GLB1: variants seen among roughly 807,000 people sequenced by gnomAD.
GLB1 encodes the protein beta-galactosidase.
In GLB1, 56 loss-of-function variants were observed where a neutral mutation model predicts 74.0. The observed-to-expected ratio is 0.76, with a 90% CI of 0.61 to 0.94. The LOEUF (loss-of-function observed/expected upper bound fraction) is 0.94. Among genes scored for constraint, GLB1 ranks in the 40% least tolerant of loss-of-function variants. The pLI, the probability that GLB1 is intolerant of heterozygous loss-of-function variation, is 0.00. For synonymous variants in GLB1, 323 were observed against 323.6 expected (o/e 1.00, Z 0.02); for missense variants, 787 against 845.5 (o/e 0.93, Z 0.86).
chr3:33,021,800 G>C, intron 11 of GLB1, 145 bp from the exon 12 acceptor site: 1 of 895,102 alleles, frequency 1.1e-6, no homozygotes, highest in Non-Finnish European at 1.8e-6. Context: ...ACTCAGTATT[G>C]CTTCCCAGTC....
At chr3:32,964,437 C>G in the GLB1 span, among the ~76,000 whole-genome samples, 1 of 152,170 alleles carries the variant, frequency 6.6e-6, no homozygotes, top group Non-Finnish European at 1.5e-5. Context: ...TATTTCTAAT[C>G]TGAGTCCTTA....
intron 15 of GLB1, among the ~76,000 whole-genome samples, chr3:33,006,672 T>C (rs745617201): frequency 6.6e-6 from 1 of 152,350 alleles, no homozygotes; most frequent in Admixed American, 6.5e-5. Context: ...TTCATTCACA[T>C]CTGGCATTAA....
chr3:33,055,118 T>C (rs1053328550), intron 6 of GLB1, among the ~76,000 whole-genome samples: 5 of 152,372 alleles, frequency 3.3e-5, no homozygotes, highest in African/African-American at 1.2e-4. Context: ...ACTGTTCTCA[T>C]GAGACCCATC....
At chr3:33,088,118 C>T (rs1451040885) in intron 1 of GLB1, among the ~76,000 whole-genome samples, 1 of 152,082 alleles carries the variant, frequency 6.6e-6, no homozygotes, top group Non-Finnish European at 1.5e-5. Flanking sequence ...ACTACCTCCA[C>T]ATCATAAAGC....
At chr3:33,060,609 T>C (rs1217991412) in intron 5 of GLB1, among the ~76,000 whole-genome samples, 1 of 152,174 alleles carries the variant, frequency 6.6e-6, no homozygotes, top group Non-Finnish European at 1.5e-5. Context: ...TTTCTTATCA[T>C]CTTGCTTTTC....
chr3:33,017,399 T>C (rs1697279365), intron 13 of GLB1, among the ~76,000 whole-genome samples: 1 of 152,230 alleles, frequency 6.6e-6, no homozygotes, highest in Non-Finnish European at 1.5e-5. Context: ...CTTTAAAAAT[T>C]GACCTTACAA....
At chr3:32,983,828 C>T in the GLB1 span, among the ~76,000 whole-genome samples, 676 of 151,628 alleles carry the variant, frequency 4.5e-3, 4 homozygotes, top group African/African-American at 0.016. Flanking sequence ...ACAGATGCAC[C>T]ACTACCAAGC....
chr3:33,076,044 C>CAA (rs71733863), intron 1 of GLB1, among the ~76,000 whole-genome samples: 8 of 79,628 alleles, frequency 1.0e-4, no homozygotes, highest in Admixed American at 4.6e-4. Context: ...GACTCTGTCT[C>CAA]AAAAAAAAAA....
At chr3:33,085,433 CA>C (rs1339506359) in intron 1 of GLB1, among the ~76,000 whole-genome samples, 1 of 151,972 alleles carries the variant, frequency 6.6e-6, no homozygotes, top group Non-Finnish European at 1.5e-5. Flanking sequence ...CATTAAAAAA[CA>C]ATAAAATCCA....
intron 12 of GLB1, among the ~76,000 whole-genome samples, chr3:33,019,313 C>T (rs943548230): frequency 2.6e-5 from 4 of 152,154 alleles, no homozygotes; most frequent in African/African-American, 9.7e-5. Flanking sequence ...TCAGCAGTAA[C>T]GGAATTATTC....
At chr3:33,068,694 C>T (rs1559409865) in intron 3 of GLB1, 126 bp downstream of exon 3, 10 of 1,556,900 alleles carry the variant, frequency 6.4e-6, no homozygotes, top group Non-Finnish European at 8.7e-6. Flanking sequence ...TAAAAGACAC[C>T]TGTGCTGGGT....
At chr3:32,987,948 G>A in the GLB1 span, among the ~76,000 whole-genome samples, 1 of 152,212 alleles carries the variant, frequency 6.6e-6, no homozygotes, top group East Asian at 1.9e-4. Context: ...ATTTTGGGAG[G>A]CTGAGGCAGG....
At chr3:32,973,890 G>A in the GLB1 span, among the ~76,000 whole-genome samples, 1 of 152,190 alleles carries the variant, frequency 6.6e-6, no homozygotes, top group African/African-American at 2.4e-5. Context: ...GAGATTGTAA[G>A]TCCTCTGGGT....
chr3:33,060,030 G>A lies in GLB1; in HGVS notation c.553-1761C>T, dbSNP rs145515353. 7.9e-5 allele frequency among the ~76,000 whole-genome samples: 12 copies of A among 152,320 alleles called. No homozygotes were observed. In the East Asian group the frequency reaches 2.3e-3, roughly 29 times the overall value. ...GGCTCTGAACTTGGGAAGGGAATGG[G>A]TAGAGGATATTCCTACATATTTGAC... On this transcript the variant is annotated intron_variant, in intron 5 of 15. Transcript: ENST00000307363.
intron 7 of GLB1, 115 bp from the exon 8 acceptor site, chr3:33,052,119 C>A (rs1350023969): frequency 6.3e-7 from 1 of 1,576,834 alleles, no homozygotes; most frequent in African/African-American, 1.3e-5. Flanking sequence ...TGCTGACATG[C>A]ACTGCTTAAC....
At chr3:33,053,969 TGCCACTGCACTCCA>T (rs1157647704) in intron 6 of GLB1, among the ~76,000 whole-genome samples, 1 of 152,014 alleles carries the variant, frequency 6.6e-6, no homozygotes, top group Non-Finnish European at 1.5e-5. Context: ...GCCGAGATCG[TGCCACTGCACTCCA>T]GCCTGGGCAA....
chr3:33,087,582 C>T (rs1407562881), intron 1 of GLB1, among the ~76,000 whole-genome samples: 1 of 660 alleles, frequency 1.5e-3, no homozygotes, highest in African/African-American at 2.7e-3. Context: ...CATGCGCGCA[C>T]ACACACACAC....
intron 10 of GLB1, among the ~76,000 whole-genome samples, chr3:33,038,701 C>A (rs4998983): frequency 6.6e-6 from 1 of 151,872 alleles, no homozygotes; most frequent in African/African-American, 2.4e-5. Context: ...GAGATCAGAA[C>A]GGAGAAAGAA....
At chr3:33,058,616 A>G (rs1239656830) in intron 5 of GLB1, among the ~76,000 whole-genome samples, 2 of 152,248 alleles carry the variant, frequency 1.3e-5, no homozygotes, top group Admixed American at 1.3e-4. Flanking sequence ...TGCTAGAAAA[A>G]TGAAAAGAAA....
Sources: allele counts gnomAD v4.1 joint callset (sites outside exome capture counted in the v4.1 genomes callset), GRCh38; gene constraint gnomAD v4.1.1; transcripts MANE v1.5; gene names NCBI Gene and HGNC (gene_info 2026-07-23, HGNC 2026-07-21).